ZSCAN20: variants seen among roughly 807,000 people sequenced by gnomAD.
ZSCAN20 encodes the protein zinc finger and SCAN domain-containing protein 20.
ZSCAN20 carries 39 observed loss-of-function variants against 97.1 expected under a neutral mutation model. The ratio of observed to expected loss-of-function variants is 0.40; its 90% confidence interval spans 0.31 to 0.52. The LOEUF is 0.52. Among genes scored for constraint, ZSCAN20 ranks in the 20% least tolerant of loss-of-function variants. The pLI, the probability that ZSCAN20 is intolerant of heterozygous loss-of-function variation, is 0.49. For synonymous variants in ZSCAN20, 456 were observed against 467.3 expected, an observed-to-expected ratio of 0.98 and a Z score of 0.31; for missense variants, 1,115 against 1,290.4, an observed-to-expected ratio of 0.86 and a Z score of 2.08.
At chr1:33,479,728 G>GC in intron 2 of ZSCAN20, 23 bp downstream of exon 2, 2 of 1,480,462 alleles carry the variant, frequency 1.4e-6, no homozygotes, top group Non-Finnish European at 1.8e-6. Context: ...GTCTTCTCCT[G>GC]CAGAGGAGTG....
chr1:33,478,991 A>C (rs1259260863), intron 1 of ZSCAN20, among the ~76,000 whole-genome samples, 188 bp from the exon 2 acceptor site: 2 of 152,202 alleles, frequency 1.3e-5, no homozygotes, highest in African/African-American at 4.8e-5. Context: ...TAATCAACCC[A>C]GCAGTCAAGT....
At chr1:33,490,690 A>ACACC (rs1557442637) in intron 5 of ZSCAN20, among the ~76,000 whole-genome samples, 25 of 129,758 alleles carry the variant, frequency 1.9e-4, no homozygotes, top group Admixed American at 4.4e-4. Flanking sequence ...CACACCACAC[A>ACACC]CCCTTTTCCT....
Position 33,496,537 on chromosome 1 carries a change from G to T in ZSCAN20, c.*1061G>T, listed in dbSNP as rs1182226905. Reference sequence around the variant, plus strand: ...GCCTAAGTAATTTTTCTTCCAATAAGATACTGCTTTGGCTAAGGAAATGGG... The same window carrying T: ...GCCTAAGTAATTTTTCTTCCAATAATATACTGCTTTGGCTAAGGAAATGGG... On this transcript the variant is annotated 3_prime_UTR_variant, in exon 8 of 8. Coordinates refer to ENST00000684572, the MANE Select transcript of ZSCAN20 (RefSeq NM_001377376.1). 2 of 152,182 alleles carry T rather than the reference G, an allele frequency of 1.3e-5. No homozygotes were observed. Among genetic ancestry groups the T allele is most frequent in the African/African-American group, 4.8e-5 (2 of 41,428 alleles). 9.4% of individuals were successfully genotyped at this position (152,182 alleles called of 1,614,324 possible).
intron 2 of ZSCAN20, among the ~76,000 whole-genome samples, chr1:33,485,902 T>C (rs1652345920): frequency 6.6e-6 from 1 of 152,238 alleles, no homozygotes; most frequent in Non-Finnish European, 1.5e-5. Flanking sequence ...AGGTCTTATA[T>C]TGGTGTACCT....
intron 7 of ZSCAN20, 66 bp from the exon 8 acceptor site, chr1:33,494,148 GACAC>G: frequency 4.3e-6 from 6 of 1,389,258 alleles, no homozygotes; most frequent in East Asian, 2.3e-5. Flanking sequence ...GTACAATACA[GACAC>G]ACACAAACAC....
rs1006473690 is a variant in ZSCAN20 at position 33,491,992 on chromosome 1, C to T, written c.1444+290C>T. ...ACTGGTAGTATGGGATGATCATCGA[C>T]GTTACATGAATGAACTTTAAATTCT... On this transcript the variant is annotated intron_variant, in intron 6 of 7. Coordinates refer to ENST00000684572, the MANE Select transcript of ZSCAN20 (RefSeq NM_001377376.1). The surrounding 1 kb of genome is among the most constrained non-coding windows in gnomAD (Gnocchi z 4.3). The T allele has an allele frequency of 2.7e-5, 8 of 296,258 alleles. No homozygotes were observed. The highest frequency in any genetic ancestry group is 4.6e-5 in the Admixed American group (1 of 21,772). 18.4% of individuals were successfully genotyped at this position (296,258 alleles called of 1,614,324 possible).
chr1:33,487,852 A>G (rs928327267), intron 2 of ZSCAN20, among the ~76,000 whole-genome samples: 1 of 151,928 alleles, frequency 6.6e-6, no homozygotes, highest in Non-Finnish European at 1.5e-5. Context: ...AGGGTCTGCT[A>G]TGTTGCCCAG....
At chr1:33,490,257 T>C (rs1394835137) in intron 5 of ZSCAN20, among the ~76,000 whole-genome samples, 1 of 152,206 alleles carries the variant, frequency 6.6e-6, no homozygotes, top group Non-Finnish European at 1.5e-5. Context: ...GGGGAAATAG[T>C]GTTCAAAGGA....
chr1:33,491,710 C>A lies in ZSCAN20; in HGVS notation c.1444+8C>A. On this transcript the variant is annotated splice_region_variant and intron_variant, in intron 6 of 7. Transcript: ENST00000684572. The surrounding 1 kb of genome is among the most constrained non-coding windows in gnomAD (Gnocchi z 4.3). ...TGTTCCAGAGTCGTATTGGTAAGAA[C>A]ATGGGGGTTTAGTCAGATTCAGATT... is the stretch of plus-strand genomic sequence containing the variant. 1 of 1,562,064 alleles carries A rather than the reference C, an allele frequency of 6.4e-7. No homozygotes were observed. Among genetic ancestry groups the A allele is most frequent in the Admixed American group, 2.0e-5 (1 of 50,360 alleles).
rs544669378 is a variant in ZSCAN20 at position 33,493,548 on chromosome 1, C to G, written c.1806C>G (p.Ala602=). Residue 602 remains alanine (A), a synonymous_variant, in exon 7 of 8, where the codon GCC becomes GCG. Coordinates refer to ENST00000684572, the MANE Select transcript of ZSCAN20 (RefSeq NM_001377376.1). The surrounding 1 kb of genome is among the most constrained non-coding windows in gnomAD (Gnocchi z 4.3). ...QSSAETDAQE[A]WGEVANEDAV... ...GTGCTGAGACTGATGCCCAGGAGGC[C>G]TGGGGTGAAGTGGCCAATGAAGATG... The G allele has an allele frequency of 5.0e-6, 8 of 1,612,408 alleles. No homozygotes were observed. Among genetic ancestry groups the G allele is most frequent in the African/African-American group, 1.3e-5 (1 of 74,862 alleles).
intron 1 of ZSCAN20, among the ~76,000 whole-genome samples, chr1:33,477,815 A>C (rs1349046979): frequency 6.6e-6 from 1 of 151,712 alleles, no homozygotes; most frequent in Non-Finnish European, 1.5e-5. Flanking sequence ...AGTGGGTAAG[A>C]AAATTACAGT....
Position 33,473,329 on chromosome 1 carries a change from TCA to T in ZSCAN20, c.-111+639_-111+640del, listed in dbSNP as rs1651800273. Reference sequence around the variant, plus strand: ...GATCTTTAATTTCTTTAATATCTTTTCAGTCGGCCTCTTTCTTGTAGGGTTTT... The same window carrying T: ...GATCTTTAATTTCTTTAATATCTTTTGTCGGCCTCTTTCTTGTAGGGTTTT... On this transcript the variant is annotated intron_variant, in intron 1 of 7. Transcript: ENST00000684572. Among the ~76,000 whole-genome samples, 5 of 152,334 alleles carry T rather than the reference TCA, an allele frequency of 3.3e-5. No individual in the cohort carries two copies. In the South Asian group the frequency reaches 1.0e-3, roughly 32 times the overall value.
chr1:33,491,655 A>C lies in ZSCAN20; in HGVS notation c.1397A>C (p.Gln466Pro). 2.5e-6 allele frequency: 4 copies of C among 1,612,642 alleles called. No homozygotes were observed. The highest frequency in any genetic ancestry group is 3.4e-6 in the Non-Finnish European group (4 of 1,179,368). ...GGCCTGGTCAATGTTGAGTCTACCC[A>C]GGGGCCCAGGATTGCAGGGGCCCCA... ...GAGLVNVEST[Q>P]GPRIAGAPAL... Residue 466 changes from glutamine to proline, a missense_variant, in exon 6 of 8, where the codon CAG (glutamine) becomes CCG (proline). Physicochemically the swap from Gln to Pro is moderately conservative, Grantham distance 76 (BLOSUM62 -1). This residue lies in a region of ZSCAN20 where 508 missense variants were observed against 611.2 expected (regional missense o/e 0.83). Transcript: ENST00000684572. This position sits in a 1 kb window ranked among gnomAD's most constrained non-coding sequence, Gnocchi z 4.3.
Position 33,501,549 on chromosome 1 carries a change from T to TTG in ZSCAN20, c.*6076_*6077dup, listed in dbSNP as rs1553124215. 1.1e-4 allele frequency among the ~76,000 whole-genome samples: 16 copies of TTG among 151,748 alleles called. No homozygotes were observed. Among genetic ancestry groups the TTG allele is most frequent in the African/African-American group, 3.6e-4 (15 of 41,314 alleles). On this transcript the variant is annotated 3_prime_UTR_variant, in exon 8 of 8. Coordinates refer to ENST00000684572, the MANE Select transcript of ZSCAN20 (RefSeq NM_001377376.1). ...CCATTTTCTGTTATTTTTTTTTTTT[T>TTG]TGTGCTGTTATGTACATCTCTTAAA...
At chr1:33,494,166 C>G (rs776930078) in intron 7 of ZSCAN20, 52 bp from the exon 8 acceptor site, 6 of 1,488,026 alleles carry the variant, frequency 4.0e-6, no homozygotes, top group Non-Finnish European at 4.5e-6. Context: ...CAAACACACA[C>G]ACACGCGCGC....
rs768091060 is a variant in ZSCAN20, at chr1:33,494,433, C to G, written c.2089C>G (p.Leu697Val). ...ESSSEEDLEK[L>V]IDHQGLYLAE... is the part of the protein sequence containing the mutation. Reference sequence around the variant, plus strand: ...TTCTTCTGAAGAGGACTTAGAAAAACTTATTGACCATCAAGGCCTGTACCT... The same window carrying G: ...TTCTTCTGAAGAGGACTTAGAAAAAGTTATTGACCATCAAGGCCTGTACCT... Residue 697 changes from leucine (L) to valine (V), a missense_variant, in exon 8 of 8, where the codon CTT (leucine) becomes GTT (valine). By Grantham distance (32) the Leu-to-Val change is conservative. Transcript: ENST00000684572. 1.2e-6 allele frequency: 2 copies of G among 1,613,478 alleles called. No individual in the cohort carries two copies. The highest frequency in any genetic ancestry group is 4.5e-5 in the East Asian group (2 of 44,882).
rs908946488 is a variant in ZSCAN20 at position 33,496,105 on chromosome 1, A to G, written c.*629A>G. On this transcript the variant is annotated 3_prime_UTR_variant, in exon 8 of 8. Transcript: ENST00000684572. ...TTAATCTTCACAACGGCCCCAGGAG[A>G]TAAGTACTAACTTTCTCCCCATTTC... 3.3e-5 allele frequency: 5 copies of G among 152,224 alleles called. No individual in the cohort carries two copies. Among genetic ancestry groups the G allele is most frequent in the Non-Finnish European group, 4.4e-5 (3 of 68,046 alleles). 9.4% of individuals were successfully genotyped at this position (152,224 alleles called of 1,614,324 possible). A position where few individuals can be genotyped will look rare whatever the true frequency, so the allele number is the denominator to read the frequency against.
chr1:33,498,403 G>A lies in ZSCAN20; in HGVS notation c.*2927G>A, dbSNP rs1000159162. Among the ~76,000 whole-genome samples, 1 of 152,226 alleles carries A rather than the reference G, an allele frequency of 6.6e-6. No homozygotes were observed. The highest frequency in any genetic ancestry group is 1.5e-5 in the Non-Finnish European group (1 of 68,042). ...AGCAAGGCCAGTGTGGGCCAGGTGA[G>A]AAAATGGCCCAGGTGGTCCCTTCCT... On this transcript the variant is annotated 3_prime_UTR_variant, in exon 8 of 8. Transcript: ENST00000684572.
chr1:33,473,531 A>G (rs1451843349), intron 1 of ZSCAN20, among the ~76,000 whole-genome samples: 1 of 151,992 alleles, frequency 6.6e-6, no homozygotes, highest in Non-Finnish European at 1.5e-5. Flanking sequence ...ATCTTCATGC[A>G]CCTCACACTC....
Sources: gnomAD v4.1 joint callset for allele counts (sites outside exome capture counted in the v4.1 genomes callset) on GRCh38, gnomAD v4.1.1 for gene constraint, gnomAD v4.1.1 regional missense constraint, Gnocchi (gnomAD v3.1) non-coding constraint, MANE v1.5 for transcripts, NCBI Gene and HGNC (gene_info 2026-07-23, HGNC 2026-07-21) for gene names.